KIAA0825: variants seen among roughly 807,000 people sequenced by gnomAD.
The protein encoded by KIAA0825 is KIAA0825.
Under a neutral mutation model 147.6 loss-of-function variants are expected in KIAA0825, and 119 were observed. That is an observed-to-expected ratio of 0.81 (90% CI 0.69 to 0.94). The LOEUF (loss-of-function observed/expected upper bound fraction) is 0.94, where lower values mean the gene tolerates loss of function less well. Among genes scored for constraint, KIAA0825 ranks in the 40% least tolerant of loss-of-function variants. KIAA0825 has a pLI of 0.00. For missense variants in KIAA0825, 1,381 were observed against 1,472.7 expected (o/e 0.94, Z 1.02); for synonymous variants, 470 against 518.1 (o/e 0.91, Z 1.26).
Position 94,520,515 on chromosome 5 carries a change from A to G in KIAA0825, c.703T>C (p.Ser235Pro). ...WNCFPSYNRDSNLDVIAHGYQ... is the reference protein window; with the variant it reads ...WNCFPSYNRDPNLDVIAHGYQ... ...CCATGAGCTATTACATCTAAATTTG[A>G]ATCTCTGTTGTAAGAAGGAAAGCAG... Residue 235 changes from serine to proline, a missense_variant, in exon 5 of 21, where the codon TCA becomes CCA. Ser to Pro is a moderately conservative substitution (Grantham distance 74). Coordinates refer to ENST00000682413, the MANE Select transcript of KIAA0825 (RefSeq NM_001145678.3). 1.2e-6 allele frequency: 2 copies of G among 1,613,146 alleles called. No homozygotes were observed. The highest frequency in any genetic ancestry group is 1.7e-6 in the Non-Finnish European group (2 of 1,179,266).
intron 2 of KIAA0825, among the ~76,000 whole-genome samples, chr5:94,539,189 AG>A (rs1772751369): frequency 6.6e-6 from 1 of 152,186 alleles, no homozygotes; most frequent in South Asian, 2.1e-4. Flanking sequence ...TGGCAACATC[AG>A]GAAGTTACCC....
intron 20 of KIAA0825, among the ~76,000 whole-genome samples, chr5:94,281,198 AACACACACACACACACACACACAC>A (rs34358354): frequency 2.8e-5 from 4 of 145,124 alleles, no homozygotes; most frequent in East Asian, 2.1e-4. Flanking sequence ...TAAGTGATTT[AACACACACACACACACACACACAC>A]ACACACACAC....
intron 20 of KIAA0825, among the ~76,000 whole-genome samples, chr5:94,287,203 G>A (rs940990839): frequency 1.3e-5 from 2 of 152,196 alleles, no homozygotes; most frequent in East Asian, 1.9e-4. Context: ...CTTCTACTAC[G>A]TTACCTTCAG....
chr5:94,456,274 A>C (rs899494615), intron 12 of KIAA0825, among the ~76,000 whole-genome samples: 1 of 152,202 alleles, frequency 6.6e-6, no homozygotes, highest in Non-Finnish European at 1.5e-5. Flanking sequence ...CATTCCTCTA[A>C]GAATGAATAC....
intron 1 of KIAA0825, among the ~76,000 whole-genome samples, chr5:94,599,804 GC>G (rs1490743081): frequency 6.6e-6 from 1 of 152,068 alleles, no homozygotes; most frequent in Admixed American, 6.5e-5. Flanking sequence ...AGCATTCTCT[GC>G]CCCAGTAAGA....
At chr5:94,406,301 C>A (rs1236020566) in intron 15 of KIAA0825, among the ~76,000 whole-genome samples, 1 of 152,130 alleles carries the variant, frequency 6.6e-6, no homozygotes, top group Non-Finnish European at 1.5e-5. Context: ...TGAGATCAAC[C>A]CTCCATCTTC....
chr5:94,228,874 A>G (rs527829392), intron 20 of KIAA0825, among the ~76,000 whole-genome samples: 1 of 152,294 alleles, frequency 6.6e-6, no homozygotes, highest in South Asian at 2.1e-4. Flanking sequence ...TAATATTTTT[A>G]TGGTTCTTTG....
intron 18 of KIAA0825, among the ~76,000 whole-genome samples, chr5:94,391,266 T>G (rs1318392056): frequency 6.6e-6 from 1 of 152,168 alleles, no homozygotes; most frequent in Non-Finnish European, 1.5e-5. Flanking sequence ...AAACTACACC[T>G]CTAGTCTCTA....
rs566292724 is a variant in KIAA0825 at position 94,550,430 on chromosome 5, G to T, written c.-1-13303C>A. ...ACTGACACCGCAAGACCCATCTATAGGAATAAATCTTTCTCTATGAAAGCT... is the reference window on the plus strand; with the variant it reads ...ACTGACACCGCAAGACCCATCTATATGAATAAATCTTTCTCTATGAAAGCT... On this transcript the variant is annotated intron_variant, in intron 2 of 20. Transcript: ENST00000682413. Among the ~76,000 whole-genome samples, 3 of 152,180 alleles carry T rather than the reference G, an allele frequency of 2.0e-5. No individual in the cohort carries two copies. The South Asian group carries it at 6.2e-4, about 32-fold the overall frequency.
intron 20 of KIAA0825, among the ~76,000 whole-genome samples, chr5:94,274,657 A>G (rs1173991523): frequency 3.9e-5 from 6 of 152,182 alleles, no homozygotes; most frequent in African/African-American, 1.2e-4. Context: ...CCTTTCTATA[A>G]AACAATTCAG....
chr5:94,444,590 G>A (rs1015061098), intron 13 of KIAA0825, among the ~76,000 whole-genome samples: 8 of 151,956 alleles, frequency 5.3e-5, no homozygotes, highest in Non-Finnish European at 7.4e-5. Flanking sequence ...AACATAAATC[G>A]GCAGAGATGA....
intron 3 of KIAA0825, among the ~76,000 whole-genome samples, chr5:94,535,493 CAAAAAAAAAAAA>C (rs11362220): frequency 9.3e-5 from 3 of 32,136 alleles, no homozygotes; most frequent in African/African-American, 9.3e-5. Flanking sequence ...CTGGGTGACT[CAAAAAAAAAAAA>C]AAAAAAAAAA....
chr5:94,577,149 T>C (rs1163496265), intron 2 of KIAA0825, among the ~76,000 whole-genome samples: 1 of 152,210 alleles, frequency 6.6e-6, no homozygotes, highest in Non-Finnish European at 1.5e-5. Context: ...ATAGTTTGGC[T>C]TAGAGATTTT....
At chr5:94,280,551 C>G (rs1314078407) in intron 20 of KIAA0825, among the ~76,000 whole-genome samples, 2 of 152,006 alleles carry the variant, frequency 1.3e-5, no homozygotes, top group East Asian at 1.9e-4. Flanking sequence ...TTGCAAACCA[C>G]GTGAATATAA....
At chr5:94,276,813 G>T (rs1777244570) in intron 20 of KIAA0825, among the ~76,000 whole-genome samples, 1 of 152,040 alleles carries the variant, frequency 6.6e-6, no homozygotes, top group African/African-American at 2.4e-5. Flanking sequence ...CTAGGCATTG[G>T]TTATTCTCTG....
At chr5:94,387,246 T>C (rs1380269415) in intron 18 of KIAA0825, among the ~76,000 whole-genome samples, 2 of 152,188 alleles carry the variant, frequency 1.3e-5, no homozygotes, top group African/African-American at 4.8e-5. Context: ...AGGATGAAGT[T>C]CAGAATGTTA....
chr5:94,448,031 TAA>T (rs1247332109), intron 13 of KIAA0825, among the ~76,000 whole-genome samples: 1 of 151,960 alleles, frequency 6.6e-6, no homozygotes, highest in Non-Finnish European at 1.5e-5. Context: ...TAGAAAATGA[TAA>T]GAGGCATTAT....
chr5:94,427,715 T>C (rs1334546816), intron 14 of KIAA0825, among the ~76,000 whole-genome samples: 1 of 152,208 alleles, frequency 6.6e-6, no homozygotes, highest in Non-Finnish European at 1.5e-5. Flanking sequence ...TTTAATTTTC[T>C]GCCTTGATGA....
At chr5:94,212,471 C>T (rs1315135287) in intron 20 of KIAA0825, among the ~76,000 whole-genome samples, 3 of 152,218 alleles carry the variant, frequency 2.0e-5, no homozygotes, top group South Asian at 2.1e-4. Flanking sequence ...TTTAAGCTAA[C>T]GAGATAGCCT....
Sources: gnomAD v4.1 joint callset for allele counts (sites outside exome capture counted in the v4.1 genomes callset) on GRCh38, gnomAD v4.1.1 for gene constraint, MANE v1.5 for transcripts, NCBI Gene and HGNC (gene_info 2026-07-23, HGNC 2026-07-21) for gene names.